The following UBR2 variants were observed in gnomAD, a reference collection of about 807,000 sequenced individuals.
UBR2 encodes the protein E3 ubiquitin-protein ligase UBR2.
In UBR2, 92 loss-of-function variants were observed where a neutral mutation model predicts 247.9. That is an observed-to-expected ratio of 0.37 (90% CI 0.31 to 0.44). UBR2 has a LOEUF of 0.44. Ranked by LOEUF, UBR2 falls within the 20% of genes least tolerant of loss-of-function variation. The pLI, the probability that UBR2 is intolerant of heterozygous loss-of-function variation, is 1.00. For synonymous variants in UBR2, 672 were observed against 693.5 expected (o/e 0.97, Z 0.49); for missense variants, 1,613 against 2,112.6 (o/e 0.76, Z 4.64).
At chr6:42,604,399 G>T (rs1380637435) in intron 5 of UBR2, among the ~76,000 whole-genome samples, 5 of 152,118 alleles carry the variant, frequency 3.3e-5, no homozygotes, top group African/African-American at 1.2e-4. Flanking sequence ...GGACATTGGT[G>T]CTGTTTCTTT....
chr6:42,592,061 C>A, intron 2 of UBR2, 90 bp from the exon 3 acceptor site: 1 of 1,262,290 alleles, frequency 7.9e-7, no homozygotes, highest in Non-Finnish European at 1.1e-6. Flanking sequence ...CGTTTTCATT[C>A]TTTTAGGATG....
intron 4 of UBR2, among the ~76,000 whole-genome samples, chr6:42,602,761 C>CGTGTGTGT (rs35409984): frequency 1.4e-5 from 2 of 145,502 alleles, no homozygotes; most frequent in African/African-American, 2.6e-5. Flanking sequence ...GCTGTGTGTG[C>CGTGTGTGT]GTGTGTGTGT....
At position 42,691,167 on chromosome 6, in the gene UBR2, TTTATAA is replaced by T. The variant is rs781228943; in HGVS notation, c.5267_*4del. On this transcript the variant is annotated stop_lost and inframe_deletion, in exon 47 of 47. Coordinates refer to ENST00000372901, the MANE Select transcript of UBR2 (RefSeq NM_001363705.2). ...CACTGGTTGGCATTGACTGGCAACA[TTTATAA>T]TTATTGCACCACCAAAAAACACAAA... 1.2e-6 allele frequency: 2 copies of T among 1,613,018 alleles called. No homozygotes were observed. The highest frequency in any genetic ancestry group is 1.7e-6 in the Non-Finnish European group (2 of 1,179,794).
At chr6:42,607,710 C>CTTTTT (rs1562303790) in intron 7 of UBR2, among the ~76,000 whole-genome samples, 1 of 52,888 alleles carries the variant, frequency 1.9e-5, no homozygotes. Flanking sequence ...CCACTCCCAG[C>CTTTTT]TGTTTTTTTT....
intron 11 of UBR2, among the ~76,000 whole-genome samples, chr6:42,631,192 A>G (rs555139448): frequency 7.4e-4 from 113 of 152,204 alleles, no homozygotes; most frequent in Non-Finnish European, 1.5e-3. Flanking sequence ...CCCAGCATCA[A>G]TAACACTCTA....
chr6:42,649,510 C>T (rs1337966637), intron 22 of UBR2, among the ~76,000 whole-genome samples: 1 of 152,068 alleles, frequency 6.6e-6, no homozygotes. Flanking sequence ...TGGTACATAC[C>T]TCCTAATTGC....
At position 42,616,052 on chromosome 6, in the gene UBR2, T is replaced by C; in HGVS notation, c.1144T>C (p.Leu382=). 6.8e-6 allele frequency: 11 copies of C among 1,608,814 alleles called. No homozygotes were observed. The highest frequency in any genetic ancestry group is 9.3e-6 in the Non-Finnish European group (11 of 1,178,816). Residue 382 remains leucine, a synonymous_variant, in exon 10 of 47, where the codon TTG becomes CTG. Transcript: ENST00000372901. ...GTTCATGAGCAGTCTGCTTATGGATTTGAAATACAAGAAACTATTTGCTGT... is the reference window on the plus strand; with the variant it reads ...GTTCATGAGCAGTCTGCTTATGGATCTGAAATACAAGAAACTATTTGCTGT... ...QLFMSSLLMD[L]KYKKLFAVRF...
rs143824382 is a variant in UBR2 at position 42,688,867 on chromosome 6, G to C, written c.5024+481G>C. On this transcript the variant is annotated intron_variant, in intron 45 of 46. Transcript: ENST00000372901. Reference sequence around the variant, plus strand: ...TGGATGGAGCTTGTTTTGTATGAGAGAGAGGACAAGCAAGACTGACAAGAA... The same window carrying C: ...TGGATGGAGCTTGTTTTGTATGAGACAGAGGACAAGCAAGACTGACAAGAA... 5.3e-4 allele frequency among the ~76,000 whole-genome samples: 81 copies of C among 152,320 alleles called. 2 individuals carry two copies. In the East Asian group the frequency reaches 8.1e-3, roughly 15 times the overall value.
intron 11 of UBR2, among the ~76,000 whole-genome samples, chr6:42,623,868 AT>A (rs60981982): frequency 0.023 from 3,546 of 151,908 alleles, 124 homozygotes; most frequent in African/African-American, 0.08. Flanking sequence ...AGGTTATTTA[AT>A]TTTTTTTCAA....
At chr6:42,649,393 CA>C (rs1796978940) in intron 22 of UBR2, among the ~76,000 whole-genome samples, 1 of 152,134 alleles carries the variant, frequency 6.6e-6, no homozygotes, top group South Asian at 2.1e-4. Flanking sequence ...CTCTTATAAA[CA>C]AATATTGAAA....
intron 25 of UBR2, among the ~76,000 whole-genome samples, chr6:42,654,855 T>C (rs950062151): frequency 6.6e-6 from 1 of 152,224 alleles, no homozygotes; most frequent in African/African-American, 2.4e-5. Context: ...TGATAAGGCA[T>C]TAGAGATAAA....
intron 11 of UBR2, among the ~76,000 whole-genome samples, chr6:42,618,057 A>G (rs181781901): frequency 2.6e-5 from 4 of 152,332 alleles, no homozygotes; most frequent in Admixed American, 2.6e-4. Context: ...AGAAACACCT[A>G]TTTATTGGGC....
At chr6:42,608,812 G>A (rs577497901) in intron 7 of UBR2, among the ~76,000 whole-genome samples, 1 of 152,002 alleles carries the variant, frequency 6.6e-6, no homozygotes, top group East Asian at 1.9e-4. Flanking sequence ...CTGTTGGATT[G>A]TCTTTTTCTT....
chr6:42,607,676 AGCTGGGAGGACAGGCATGTCCCACC>A (rs1562303864), intron 7 of UBR2, among the ~76,000 whole-genome samples: 4 of 43,998 alleles, frequency 9.1e-5, no homozygotes, highest in South Asian at 7.7e-4. Context: ...CACCACTCCC[AGCTGGGAGGACAGGCATGTCCCACC>A]ACTCCCAGCT....
rs1799836195 is a variant in UBR2, at chr6:42,693,237, T to C, written c.*2064T>C. On this transcript the variant is annotated 3_prime_UTR_variant, in exon 47 of 47. Coordinates refer to ENST00000372901, the MANE Select transcript of UBR2 (RefSeq NM_001363705.2). ...TGGGAGAAGATGAATTTACATGAAATTGCAACATACACACCTTTTTATTTT... is the reference window on the plus strand; with the variant it reads ...TGGGAGAAGATGAATTTACATGAAACTGCAACATACACACCTTTTTATTTT... 1 of 152,198 alleles carries C rather than the reference T, an allele frequency of 6.6e-6. No individual in the cohort carries two copies. Among genetic ancestry groups the C allele is most frequent in the Admixed American group, 6.5e-5 (1 of 15,270 alleles). The allele number at this position is 152,198 out of a possible 1,614,324, so 9.4% of individuals were successfully genotyped here.
chr6:42,655,376 G>A (rs894858855), intron 25 of UBR2, among the ~76,000 whole-genome samples: 1 of 151,218 alleles, frequency 6.6e-6, no homozygotes, highest in Non-Finnish European at 1.5e-5. Flanking sequence ...TACTCGGGAG[G>A]CTGAGGCAGG....
At chr6:42,585,125 C>A (rs970096631) in intron 2 of UBR2, among the ~76,000 whole-genome samples, 2 of 152,060 alleles carry the variant, frequency 1.3e-5, no homozygotes, top group African/African-American at 4.8e-5. Context: ...CCCTTCTATT[C>A]CTAGTTTACC....
chr6:42,625,154 A>T (rs1444495808), intron 11 of UBR2, among the ~76,000 whole-genome samples: 1 of 152,206 alleles, frequency 6.6e-6, no homozygotes, highest in Non-Finnish European at 1.5e-5. Context: ...ATTTGGAAGA[A>T]TTCTCCAGTG....
chr6:42,666,324 TTTGGC>T (rs1798105571), intron 34 of UBR2, 79 bp downstream of exon 34: 1 of 1,301,222 alleles, frequency 7.7e-7, no homozygotes, highest in Non-Finnish European at 1.1e-6. Context: ...AGGAATATGA[TTTGGC>T]AAGTGAGGGA....
Sources: allele counts gnomAD v4.1 joint callset (sites outside exome capture counted in the v4.1 genomes callset), GRCh38; gene constraint gnomAD v4.1.1; transcripts MANE v1.5; gene names NCBI Gene and HGNC (gene_info 2026-07-23, HGNC 2026-07-21).